DOCK4: variants seen among roughly 807,000 people sequenced by gnomAD.
DOCK4 encodes dedicator of cytokinesis protein 4.
Under a neutral mutation model 268.1 loss-of-function variants are expected in DOCK4, and 97 were observed. The ratio of observed to expected loss-of-function variants is 0.36; its 90% CI spans 0.31 to 0.43. The LOEUF is 0.43. Ranked by LOEUF, DOCK4 falls within the 20% of genes least tolerant of loss-of-function variation. The pLI is 1.00. For missense variants in DOCK4, 2,145 were observed against 2,455.7 expected (o/e 0.87, Z 2.67); for synonymous variants, 954 against 887.2 (o/e 1.08, Z -1.34).
chr7:111,975,623 C>T (rs1198338858), intron 8 of DOCK4, among the ~76,000 whole-genome samples: 2 of 152,050 alleles, frequency 1.3e-5, no homozygotes, highest in Non-Finnish European at 2.9e-5. Context: ...ACTGTATTAC[C>T]ACTGTTATTT....
chr7:111,871,571 T>C (rs1806433331), intron 20 of DOCK4, among the ~76,000 whole-genome samples: 1 of 152,334 alleles, frequency 6.6e-6, no homozygotes, highest in Non-Finnish European at 1.5e-5. Context: ...CTAACATAAA[T>C]GAATGGATGA....
intron 17 of DOCK4, among the ~76,000 whole-genome samples, chr7:111,876,595 A>T (rs948177192): frequency 2.0e-5 from 3 of 152,190 alleles, no homozygotes; most frequent in Non-Finnish European, 1.5e-5. Context: ...TTTATTAATC[A>T]TAACTTGCTA....
chr7:111,934,344 T>C (rs987086856), intron 12 of DOCK4, among the ~76,000 whole-genome samples: 3 of 152,148 alleles, frequency 2.0e-5, no homozygotes, highest in Non-Finnish European at 2.9e-5. Context: ...ATACGACTTA[T>C]AGTGGTATAT....
chr7:111,979,555 A>G (rs1343872435), intron 7 of DOCK4, among the ~76,000 whole-genome samples: 1 of 151,276 alleles, frequency 6.6e-6, no homozygotes, highest in Non-Finnish European at 1.5e-5. Context: ...ACAAGGCTTC[A>G]CCATCCCCCC....
chr7:111,783,031 AAAG>A lies in DOCK4; in HGVS notation c.3525-110_3525-108del, dbSNP rs1457559128. 19 of 1,141,604 alleles carry A rather than the reference AAAG, an allele frequency of 1.7e-5. 1 individual carries two copies. Among genetic ancestry groups the A allele is most frequent in the Admixed American group, 2.3e-5 (1 of 43,576 alleles). The allele number at this position is 1,141,604 out of a possible 1,614,324, so 70.7% of individuals were successfully genotyped here. On this transcript the variant is annotated intron_variant, in intron 34 of 52. Coordinates refer to ENST00000428084, the MANE Select transcript of DOCK4 (RefSeq NM_001363540.2). ...GAAAGAAAGAAAGAAAAAAAAAAAA[AAAG>A]AAGCCACTTTTAGGGACCAGAGGCA...
chr7:111,822,410 G>A lies in DOCK4; in HGVS notation c.2882C>T (p.Pro961Leu), dbSNP rs751233265. 1.9e-6 allele frequency: 3 copies of A among 1,613,538 alleles called. No homozygotes were observed. The highest frequency in any genetic ancestry group is 2.5e-6 in the Non-Finnish European group (3 of 1,179,718). Residue 961 changes from proline to leucine, a missense_variant, in exon 27 of 53, where the codon CCG (proline) becomes CTG (leucine). Around this residue, in one of 2 missense-constraint regions of DOCK4, gnomAD observed 1,598 missense variants for 1,986.7 expected, o/e 0.80. Transcript: ENST00000428084. ...AGTCCAGTCCTTTGGAAACATCTCC[G>A]GGCGTATCAATATTCGGAACACAGT... ...IFTVFRILIR[P>L]EMFPKDWTVM...
chr7:111,958,235 C>T (rs1294453860), intron 8 of DOCK4, among the ~76,000 whole-genome samples: 4 of 152,146 alleles, frequency 2.6e-5, no homozygotes, highest in African/African-American at 7.2e-5. Flanking sequence ...GTGCTGAAAA[C>T]ATCTAGATGA....
chr7:111,739,503 C>G (rs1347716644), intron 47 of DOCK4, 26 bp from the exon 48 acceptor site: 2 of 1,546,848 alleles, frequency 1.3e-6, no homozygotes, highest in South Asian at 2.4e-5. Context: ...GAGCTATTAT[C>G]ATACCCTGAT....
At chr7:111,971,385 G>A (rs1797700373) in intron 8 of DOCK4, 2 of 199,174 alleles carry the variant, frequency 1.0e-5, no homozygotes, top group Non-Finnish European at 2.1e-5. Context: ...AAGCTCTTTT[G>A]TCTTCCAAGC....
chr7:112,148,459 T>G (rs1185836062), intron 1 of DOCK4, among the ~76,000 whole-genome samples: 2 of 152,150 alleles, frequency 1.3e-5, no homozygotes, highest in African/African-American at 2.4e-5. Context: ...AATACAATTA[T>G]CTAACCCTTA....
chr7:111,881,097 G>T (rs1278818036), intron 16 of DOCK4, among the ~76,000 whole-genome samples: 1 of 152,106 alleles, frequency 6.6e-6, no homozygotes, highest in Non-Finnish European at 1.5e-5. Context: ...AAGTCAAAAA[G>T]CTGCACAGCA....
intron 1 of DOCK4, among the ~76,000 whole-genome samples, chr7:112,098,984 G>C (rs1810415433): frequency 6.6e-6 from 1 of 151,986 alleles, no homozygotes; most frequent in Non-Finnish European, 1.5e-5. Flanking sequence ...AGCCCAGAAA[G>C]GTCAATCAAT....
intron 30 of DOCK4, chr7:111,801,628 G>C (rs1169648593): frequency 1.3e-5 from 2 of 148,154 alleles, no homozygotes; most frequent in Non-Finnish European, 3.0e-5. Context: ...GGACTGCTTA[G>C]TTTTCCTCAT....
In DOCK4 at chr7:111,976,140, CAA is replaced by C. The variant is rs1166982968; in HGVS notation, c.701+990_701+991del. ...TGGGTGACAGAGCAAGACTCCATCT[CAA>C]AAAAAAAAAAAAAAAAAAAATATAT... On this transcript the variant is annotated intron_variant, in intron 8 of 52. Transcript: ENST00000428084. 2.8e-3 allele frequency among the ~76,000 whole-genome samples: 81 copies of C among 28,932 alleles called. 2 individuals are homozygous for C. Among genetic ancestry groups the C allele is most frequent in the African/African-American group, 8.6e-3 (28 of 3,248 alleles). 19.0% of individuals were successfully genotyped at this position (28,932 alleles called of 152,430 possible). A position where few individuals can be genotyped will look rare whatever the true frequency, so the allele number is the denominator to read the frequency against.
rs768735247 is a variant in DOCK4, at chr7:111,867,966, T to A, written c.2280+18A>T. ...ACTTATCGTTTTCTTCTATTCAGCA[T>A]AGATGAAAAGAAATTACCTGTGACT... On this transcript the variant is annotated intron_variant, in intron 22 of 52. Coordinates refer to ENST00000428084, the MANE Select transcript of DOCK4 (RefSeq NM_001363540.2). The A allele has an allele frequency of 6.4e-7, 1 of 1,568,206 alleles. No homozygotes were observed.
At chr7:111,805,261 T>C (rs770256079) in intron 30 of DOCK4, among the ~76,000 whole-genome samples, 2 of 152,200 alleles carry the variant, frequency 1.3e-5, no homozygotes, top group Non-Finnish European at 2.9e-5. Flanking sequence ...CTCATGGCCC[T>C]GCTTGCAAAA....
chr7:111,982,588 G>T (rs1428363124), intron 7 of DOCK4, among the ~76,000 whole-genome samples: 1 of 152,162 alleles, frequency 6.6e-6, no homozygotes, highest in East Asian at 1.9e-4. Context: ...TGAATAAACT[G>T]AGGCTTTGAC....
chr7:112,112,905 G>A (rs746577747), intron 1 of DOCK4, among the ~76,000 whole-genome samples: 39 of 152,050 alleles, frequency 2.6e-4, no homozygotes, highest in Non-Finnish European at 4.4e-4. Context: ...CTCAATTCTT[G>A]TATCCCTGAC....
At chr7:111,910,700 C>A (rs1440808664) in intron 13 of DOCK4, among the ~76,000 whole-genome samples, 1 of 152,178 alleles carries the variant, frequency 6.6e-6, no homozygotes, top group Non-Finnish European at 1.5e-5. Context: ...AAATAATTTG[C>A]TGCTCTCCCT....
Sources: gnomAD v4.1 joint callset for allele counts (sites outside exome capture counted in the v4.1 genomes callset) on GRCh38, gnomAD v4.1.1 for gene constraint, gnomAD v4.1.1 regional missense constraint, MANE v1.5 for transcripts, NCBI Gene and HGNC (gene_info 2026-07-23, HGNC 2026-07-21) for gene names.